CTNNA3: variants seen among roughly 807,000 people sequenced by gnomAD.
CTNNA3 encodes catenin alpha 3.
In CTNNA3, 76 loss-of-function variants were observed where a neutral mutation model predicts 95.7. That is an observed-to-expected ratio of 0.79 (90% confidence interval 0.66 to 0.96). The LOEUF is 0.96. Ranked by LOEUF, CTNNA3 falls within the 40% of genes least tolerant of loss-of-function variation. The pLI is 0.00. For missense variants in CTNNA3, 1,191 were observed against 1,089.8 expected (o/e 1.09, Z -1.31); for synonymous variants, 431 against 374.4 (o/e 1.15, Z -1.74).
chr10:67,479,584 G>A (rs1848142321), intron 5 of CTNNA3, among the ~76,000 whole-genome samples: 1 of 152,032 alleles, frequency 6.6e-6, no homozygotes, highest in Admixed American at 6.6e-5. Context: ...TTTTGGGGAT[G>A]CAGCAAAAGC....
chr10:66,895,699 A>G (rs1845453270), intron 7 of CTNNA3, among the ~76,000 whole-genome samples: 1 of 152,076 alleles, frequency 6.6e-6, no homozygotes, highest in South Asian at 2.1e-4. Context: ...AGGATAATAC[A>G]AGTGCTTCTT....
chr10:66,279,974 A>C (rs1377498972), intron 13 of CTNNA3, among the ~76,000 whole-genome samples: 1 of 151,786 alleles, frequency 6.6e-6, no homozygotes. Flanking sequence ...CCAGACTGGG[A>C]CCCTTGAAGT....
chr10:66,416,237 A>C (rs1398109592), intron 11 of CTNNA3, among the ~76,000 whole-genome samples: 3 of 151,172 alleles, frequency 2.0e-5, no homozygotes, highest in African/African-American at 7.3e-5. Flanking sequence ...ACTTGATGAC[A>C]GTGTTTTATA....
Position 67,606,099 on chromosome 10 carries a change from G to A in CTNNA3, c.292+758C>T, listed in dbSNP as rs192194367. On this transcript the variant is annotated intron_variant, in intron 3 of 17. Transcript: ENST00000433211. ...TTAAAGTTACGTTGGGGGATTGAGG[G>A]AGAAAAATATTTAAAAATCCCAAGT... is the stretch of plus-strand genomic sequence containing the variant. Among the ~76,000 whole-genome samples the A allele has an allele frequency of 1.3e-3, 200 of 152,250 alleles. 4 individuals are homozygous for A. The South Asian group carries it at 0.014, about 11-fold the overall frequency.
At chr10:67,620,123 A>C (rs1488714974) in intron 2 of CTNNA3, among the ~76,000 whole-genome samples, 2 of 152,180 alleles carry the variant, frequency 1.3e-5, no homozygotes, top group Non-Finnish European at 2.9e-5. Context: ...TGGATGGAGG[A>C]TGTAGCTGGG....
At chr10:66,881,529 T>C (rs7897872) in intron 7 of CTNNA3, among the ~76,000 whole-genome samples, 76,538 of 151,930 alleles carry the variant, frequency 0.5, 19,767 homozygotes, top group Non-Finnish European at 0.55. Flanking sequence ...TACTAGAAGC[T>C]AAGAGCACTT....
rs1215300577 is a variant in CTNNA3, at chr10:65,913,982, C to T, written c.*6348G>A. The T allele has an allele frequency of 6.6e-6, 1 of 152,072 alleles. No homozygotes were observed. Among genetic ancestry groups the T allele is most frequent in the African/African-American group, 2.4e-5 (1 of 41,430 alleles). The allele number at this position is 152,072 out of a possible 1,614,324, so 9.4% of individuals were successfully genotyped here. A position where few individuals can be genotyped will look rare whatever the true frequency, so the allele number is the denominator to read the frequency against. On this transcript the variant is annotated 3_prime_UTR_variant, in exon 18 of 18. Coordinates refer to ENST00000433211, the MANE Select transcript of CTNNA3 (RefSeq NM_013266.4). The stretch of plus-strand genomic sequence containing the variant: ...TATTGATACAACTATTCAAAGGGGG[C>T]TTTAAATGTATAAGGAAGTGTCACA...
At chr10:67,613,960 T>C (rs1843558149) in intron 2 of CTNNA3, among the ~76,000 whole-genome samples, 2 of 152,222 alleles carry the variant, frequency 1.3e-5, no homozygotes, top group Admixed American at 6.5e-5. Flanking sequence ...GCAGTGAGTG[T>C]TGCAGCTCTT....
At chr10:66,385,552 A>G (rs1217694791) in intron 11 of CTNNA3, among the ~76,000 whole-genome samples, 2 of 152,312 alleles carry the variant, frequency 1.3e-5, no homozygotes, top group South Asian at 4.1e-4. Flanking sequence ...AACTATTCCA[A>G]TCAACAGAAA....
intron 17 of CTNNA3, among the ~76,000 whole-genome samples, chr10:65,925,301 G>A (rs544133289): frequency 5.3e-5 from 8 of 151,998 alleles, no homozygotes; most frequent in South Asian, 2.1e-4. Flanking sequence ...CAATAAAATC[G>A]AAACAGTAAA....
chr10:67,335,062 G>GA (rs942361506), intron 5 of CTNNA3, among the ~76,000 whole-genome samples: 3 of 151,332 alleles, frequency 2.0e-5, no homozygotes, highest in African/African-American at 2.4e-5. Context: ...ACATTGATGA[G>GA]AAAAAAAAAT....
intron 7 of CTNNA3, among the ~76,000 whole-genome samples, chr10:67,161,287 CTTCT>C (rs1426878153): frequency 1.3e-5 from 2 of 151,896 alleles, no homozygotes; most frequent in Admixed American, 6.6e-5. Flanking sequence ...TAAAAATACA[CTTCT>C]TTCTTCAGTT....
chr10:66,691,676 C>G (rs919351792), intron 9 of CTNNA3, among the ~76,000 whole-genome samples: 1 of 152,168 alleles, frequency 6.6e-6, no homozygotes, highest in Non-Finnish European at 1.5e-5. Flanking sequence ...GTCCCTGACC[C>G]CTGACCCCTG....
intron 7 of CTNNA3, among the ~76,000 whole-genome samples, chr10:66,819,092 TA>T (rs35494489): frequency 0.033 from 3,663 of 110,652 alleles, 64 homozygotes; most frequent in Admixed American, 0.054. Flanking sequence ...ACTCTTGTCT[TA>T]AAAAAAAAAA....
intron 5 of CTNNA3, among the ~76,000 whole-genome samples, chr10:67,372,706 A>C (rs1431640910): frequency 6.6e-6 from 1 of 152,222 alleles, no homozygotes; most frequent in Non-Finnish European, 1.5e-5. Flanking sequence ...GAAGGAAAAA[A>C]TGTTAAGGGC....
At chr10:66,534,899 T>G (rs565910783) in intron 10 of CTNNA3, among the ~76,000 whole-genome samples, 1 of 152,012 alleles carries the variant, frequency 6.6e-6, no homozygotes, top group South Asian at 2.1e-4. Flanking sequence ...AAAAAAAGCA[T>G]GTTTTCTCAT....
chr10:66,567,256 G>C (rs111341446), intron 10 of CTNNA3, among the ~76,000 whole-genome samples: 1 of 152,056 alleles, frequency 6.6e-6, no homozygotes, highest in Non-Finnish European at 1.5e-5. Flanking sequence ...GGGAGCCTAT[G>C]AAGAAAGAGA....
intron 7 of CTNNA3, among the ~76,000 whole-genome samples, chr10:66,796,957 T>G (rs1841219945): frequency 6.6e-6 from 1 of 152,052 alleles, no homozygotes; most frequent in Non-Finnish European, 1.5e-5. Context: ...ATTATTTTTA[T>G]CCTTCGTAAT....
At position 66,794,832 on chromosome 10, in the gene CTNNA3, C is replaced by A. The variant is rs115979061; in HGVS notation, c.1048-19308G>T. On this transcript the variant is annotated intron_variant, in intron 7 of 17. Transcript: ENST00000433211. ...TAAGACATTCTAAATCCTTTTTTGT[C>A]ATTTCCACAGTGTTCAAAGCATCTC... Among the ~76,000 whole-genome samples, 1,340 of 152,058 alleles carry A rather than the reference C, an allele frequency of 8.8e-3. 26 individuals carry two copies. The highest frequency in any genetic ancestry group is 0.031 in the African/African-American group (1,269 of 41,476).
Sources: allele counts gnomAD v4.1 joint callset (sites outside exome capture counted in the v4.1 genomes callset), GRCh38; gene constraint gnomAD v4.1.1; transcripts MANE v1.5; gene names NCBI Gene and HGNC (gene_info 2026-07-23, HGNC 2026-07-21).